The following NAV1 variants were observed in gnomAD, a reference collection of about 807,000 sequenced individuals.
NAV1 encodes pore membrane and/or filament interacting like protein 3.
A neutral mutation model predicts 175.2 loss-of-function variants in NAV1; 18 were observed. The observed-to-expected ratio is 0.10, with a 90% confidence interval of 0.07 to 0.15. The LOEUF (loss-of-function observed/expected upper bound fraction) is 0.15. Among genes scored for constraint, NAV1 ranks in the 10% least tolerant of loss-of-function variants. NAV1 has a pLI of 1.00. For missense variants in NAV1, 1,731 were observed against 2,436.6 expected, an observed-to-expected ratio of 0.71 and a Z score of 6.10; for synonymous variants, 897 against 978.7, an observed-to-expected ratio of 0.92 and a Z score of 1.56.
At chr1:201,785,395 T>C in intron 8 of NAV1, 44 bp downstream of exon 12, 1 of 1,576,544 alleles carries the variant, frequency 6.3e-7, no homozygotes, top group Middle Eastern at 1.7e-4. Context: ...ATGGGACTGC[T>C]GGTATGTATG....
intron 17 of NAV1, among the ~76,000 whole-genome samples, chr1:201,806,255 A>C (rs1055265829): frequency 6.6e-6 from 1 of 152,104 alleles, no homozygotes; most frequent in Non-Finnish European, 1.5e-5. Context: ...AAAGTGCAGG[A>C]ATTACAGGCA....
At chr1:201,554,034 T>C (rs2102456220) in intron 1 of NAV1, among the ~76,000 whole-genome samples, 1 of 152,334 alleles carries the variant, frequency 6.6e-6, no homozygotes, top group South Asian at 2.1e-4. Flanking sequence ...CCCAGACAAC[T>C]TCCCCATTTC....
chr1:201,551,634 A>G (rs1665857920), intron 1 of NAV1, among the ~76,000 whole-genome samples: 1 of 152,212 alleles, frequency 6.6e-6, no homozygotes, highest in Admixed American at 6.5e-5. Flanking sequence ...TATCACATTT[A>G]TTTTGACAAG....
intron 1 of NAV1, among the ~76,000 whole-genome samples, chr1:201,663,267 A>G (rs530269083): frequency 2.1e-4 from 32 of 152,376 alleles, no homozygotes; most frequent in Non-Finnish European, 4.4e-4. Flanking sequence ...ACTGTGATGA[A>G]AAGAAAATAG....
intron 1 of NAV1, among the ~76,000 whole-genome samples, chr1:201,584,610 T>C (rs1666972239): frequency 6.6e-6 from 1 of 152,226 alleles, no homozygotes; most frequent in Non-Finnish European, 1.5e-5. Flanking sequence ...CAGCTTGTGA[T>C]GTGCCTGTGT....
intron 3 of NAV1, among the ~76,000 whole-genome samples, chr1:201,769,285 T>A (rs1465270791): frequency 2.0e-5 from 3 of 152,212 alleles, no homozygotes; most frequent in Non-Finnish European, 2.9e-5. Flanking sequence ...CTCATCACAT[T>A]TGCTAGCCTC....
chr1:201,679,042 A>T (rs951746750), intron 1 of NAV1, among the ~76,000 whole-genome samples: 1 of 151,606 alleles, frequency 6.6e-6, no homozygotes, highest in African/African-American at 2.4e-5. Flanking sequence ...AGGTGGGGCT[A>T]TTTACTGGGG....
intron 8 of NAV1, among the ~76,000 whole-genome samples, chr1:201,785,878 C>T (rs901987236): frequency 6.6e-6 from 1 of 150,780 alleles, no homozygotes. Flanking sequence ...CTGCAACCTC[C>T]ACCTCCCAGA....
In NAV1 at chr1:201,734,455, G is replaced by C. The variant is rs567206783; in HGVS notation, c.1226+15700G>C. Among the ~76,000 whole-genome samples the C allele has an allele frequency of 5.0e-5, 6 of 120,792 alleles. 1 individual carries two copies. The East Asian group carries it at 1.1e-3, about 22-fold the overall frequency. The allele number at this position is 120,792 out of a possible 152,430, so 79.2% of individuals were successfully genotyped here. A position where few individuals can be genotyped will look rare whatever the true frequency, so the allele number is the denominator to read the frequency against. On this transcript the variant is annotated intron_variant, in intron 3 of 29. Transcript: ENST00000367296. ...AAGAGGAAGAAGAAGAAGAAGAGGA[G>C]GAGGAGGAGGAGGAAGAGGAGGAGG...
chr1:201,701,219 AC>A (rs1318547473), intron 1 of NAV1, among the ~76,000 whole-genome samples: 1 of 143,514 alleles, frequency 7.0e-6, no homozygotes, highest in African/African-American at 2.6e-5. Context: ...CAATGAGAAC[AC>A]TTGGACACAG....
In NAV1 at chr1:201,807,967, C is replaced by G. The variant is rs780846452; in HGVS notation, c.3663C>G (p.Phe1221Leu). The change falls in exon 18 of 30, where the codon TTC (phenylalanine) becomes TTG (leucine). Residue 1221 changes from phenylalanine (F) to leucine (L), a missense_variant. Transcript: ENST00000367296. The surrounding 1 kb of genome is among the most constrained non-coding windows in gnomAD (Gnocchi z 5.4). ...CTTTTTTCTAGCTTCGAAGTTCCTT[C>G]AACAAAGCGTTCAGTATAAAAAAGG... is the stretch of plus-strand genomic sequence containing the variant. The G allele has an allele frequency of 6.2e-7, 1 of 1,613,974 alleles. No homozygotes were observed.
intron 15 of NAV1, chr1:201,797,280 T>C (rs182340923): frequency 7.9e-4 from 121 of 152,362 alleles, no homozygotes; most frequent in Non-Finnish European, 1.4e-3. Flanking sequence ...AGGAAATCAA[T>C]TGACTATACA....
chr1:201,547,212 C>T (rs1665700034), intron 1 of NAV1, among the ~76,000 whole-genome samples: 1 of 152,060 alleles, frequency 6.6e-6, no homozygotes, highest in African/African-American at 2.4e-5. Context: ...TGGTCTCAAA[C>T]TCCCGACCTC....
chr1:201,647,742 G>A (rs1452926818), upstream of NAV1, among the ~76,000 whole-genome samples: 4 of 152,102 alleles, frequency 2.6e-5, no homozygotes, highest in Non-Finnish European at 4.4e-5. Flanking sequence ...AACCAAAGAC[G>A]GTTTGGGGTT....
At chr1:201,637,773 C>T (rs1044402573) in intron 2 of NAV1, among the ~76,000 whole-genome samples, 1 of 152,180 alleles carries the variant, frequency 6.6e-6, no homozygotes, top group African/African-American at 2.4e-5. Context: ...CTTTGCCTGC[C>T]TGGAGTTTTC....
intron 2 of NAV1, among the ~76,000 whole-genome samples, chr1:201,611,732 C>T (rs774570457): frequency 6.6e-6 from 1 of 152,156 alleles, no homozygotes; most frequent in Non-Finnish European, 1.5e-5. Flanking sequence ...GCTCATTTTT[C>T]CAGGGAAGCC....
At chr1:201,784,021 G>T (rs1471394129) in intron 7 of NAV1, among the ~76,000 whole-genome samples, 169 bp downstream of exon 11, 1 of 152,162 alleles carries the variant, frequency 6.6e-6, no homozygotes, top group African/African-American at 2.4e-5. Flanking sequence ...TAGGTAAGAT[G>T]TGTTTTTGTT....
chr1:201,619,455 C>T (rs1355694312), upstream of NAV1, among the ~76,000 whole-genome samples: 1 of 152,244 alleles, frequency 6.6e-6, no homozygotes, highest in Non-Finnish European at 1.5e-5. Flanking sequence ...TGGATTATCT[C>T]ACCAATATAG....
chr1:201,776,842 G>A (rs187156605), intron 3 of NAV1, among the ~76,000 whole-genome samples: 8 of 150,996 alleles, frequency 5.3e-5, no homozygotes, highest in South Asian at 2.1e-4. Flanking sequence ...CAAAGCATCC[G>A]GTAAAGTACC....
Sources: gnomAD v4.1 joint callset for allele counts (sites outside exome capture counted in the v4.1 genomes callset) on GRCh38, gnomAD v4.1.1 for gene constraint, Gnocchi (gnomAD v3.1) non-coding constraint, MANE v1.5 for transcripts, NCBI Gene and HGNC (gene_info 2026-07-23, HGNC 2026-07-21) for gene names.